Variants in PTPRD observed in about 807,000 individuals in gnomAD.
PTPRD encodes protein tyrosine phosphatase receptor type D.
A neutral mutation model predicts 214.5 loss-of-function variants in PTPRD; 34 were observed. The ratio of observed to expected loss-of-function variants is 0.16; its 90% CI spans 0.12 to 0.21. PTPRD has a LOEUF of 0.21. Ranked by LOEUF, PTPRD falls within the 10% of genes least tolerant of loss-of-function variation. PTPRD has a pLI of 1.00. For missense variants in PTPRD, 2,545 were observed against 2,398.7 expected (o/e 1.06, Z -1.27); for synonymous variants, 1,128 against 845.7 (o/e 1.33, Z -5.79).
chr9:8,891,151 T>TTTTTTTTTTTTTTTG (rs1345759298), intron 11 of PTPRD, among the ~76,000 whole-genome samples: 1 of 149,636 alleles, frequency 6.7e-6, no homozygotes, highest in Non-Finnish European at 1.5e-5. Context: ...TTTTTTTTTT[T>TTTTTTTTTTTTTTTG]GAGACTGAGT....
rs149145051 is a variant in PTPRD at position 9,743,880 on chromosome 9, G to A, written c.-325-9309C>T. 1.2e-3 allele frequency among the ~76,000 whole-genome samples: 185 copies of A among 152,016 alleles called. 1 individual carries two copies. Among genetic ancestry groups the A allele is most frequent in the African/African-American group, 4.1e-3 (172 of 41,486 alleles). ...TTTTTATCCAAGAAGAAAATATGCAGGCTAATTGATCCGATAAATCTATAC... is the reference window on the plus strand; with the variant it reads ...TTTTTATCCAAGAAGAAAATATGCAAGCTAATTGATCCGATAAATCTATAC... On this transcript the variant is annotated intron_variant, in intron 6 of 45. Transcript: ENST00000381196.
intron 3 of PTPRD, among the ~76,000 whole-genome samples, chr9:10,103,395 T>TATATATATCTA: frequency 8.6e-6 from 1 of 116,730 alleles, no homozygotes; most frequent in South Asian, 2.6e-4. Flanking sequence ...ATATATATAT[T>TATATATATCTA]TATTTAAGAG....
intron 2 of PTPRD, among the ~76,000 whole-genome samples, chr9:10,586,845 G>T (rs887985307): frequency 6.6e-6 from 1 of 150,404 alleles, no homozygotes; most frequent in Admixed American, 6.6e-5. Flanking sequence ...TCAGATTCAG[G>T]ATTGCTCTCA....
chr9:9,227,067 G>T (rs949747628), intron 9 of PTPRD, among the ~76,000 whole-genome samples: 3 of 151,682 alleles, frequency 2.0e-5, no homozygotes, highest in African/African-American at 7.3e-5. Context: ...ATAATACTTT[G>T]GTGAAATAGG....
At position 9,070,125 on chromosome 9, in the gene PTPRD, C is replaced by T. The variant is rs954575828; in HGVS notation, c.-142-51390G>A. Among the ~76,000 whole-genome samples the T allele has an allele frequency of 3.3e-5, 5 of 152,078 alleles. No homozygotes were observed. The East Asian group carries it at 7.7e-4, about 23-fold the overall frequency. Reference sequence around the variant, plus strand: ...AACAGCTGAGCTTCATAACTCTTAGCATTTTATTTATTCACAAGGAAATAT... The same window carrying T: ...AACAGCTGAGCTTCATAACTCTTAGTATTTTATTTATTCACAAGGAAATAT... On this transcript the variant is annotated intron_variant, in intron 10 of 45. Transcript: ENST00000381196.
chr9:8,657,778 A>G (rs2096942790), intron 12 of PTPRD, among the ~76,000 whole-genome samples: 1 of 152,214 alleles, frequency 6.6e-6, no homozygotes, highest in Non-Finnish European at 1.5e-5. Context: ...TATCCTCTGC[A>G]GAAATTGGCA....
At chr9:8,768,082 G>C (rs945955803) in intron 11 of PTPRD, among the ~76,000 whole-genome samples, 1 of 152,052 alleles carries the variant, frequency 6.6e-6, no homozygotes, top group African/African-American at 2.4e-5. Flanking sequence ...GTTACTATTT[G>C]GCCTGAATTT....
At chr9:9,440,653 C>G (rs888536072) in intron 8 of PTPRD, among the ~76,000 whole-genome samples, 5 of 152,176 alleles carry the variant, frequency 3.3e-5, no homozygotes, top group African/African-American at 1.2e-4. Flanking sequence ...TTCCTTAAAA[C>G]AATATTATCC....
At chr9:9,785,614 G>A (rs765400676) in intron 5 of PTPRD, among the ~76,000 whole-genome samples, 12 of 152,084 alleles carry the variant, frequency 7.9e-5, no homozygotes, top group Non-Finnish European at 1.5e-4. Context: ...AATGGTCACA[G>A]ATCAGCAGAA....
intron 2 of PTPRD, among the ~76,000 whole-genome samples, chr9:10,350,544 C>G (rs1287118262): frequency 6.6e-6 from 1 of 152,024 alleles, no homozygotes; most frequent in African/African-American, 2.4e-5. Context: ...ATCCTCATTA[C>G]AATATACAAA....
At chr9:9,831,078 C>A (rs185800946) in intron 5 of PTPRD, among the ~76,000 whole-genome samples, 1 of 151,770 alleles carries the variant, frequency 6.6e-6, no homozygotes, top group South Asian at 2.1e-4. Context: ...TTTATTATAG[C>A]CTATGGTCAC....
intron 34 of PTPRD, among the ~76,000 whole-genome samples, chr9:8,446,768 C>G (rs1043802232): frequency 6.6e-6 from 1 of 152,154 alleles, no homozygotes; most frequent in Non-Finnish European, 1.5e-5. Flanking sequence ...AGCGTCATAG[C>G]ACCTGTCATG....
At chr9:9,477,487 A>T (rs563575467) in intron 8 of PTPRD, among the ~76,000 whole-genome samples, 18 of 152,338 alleles carry the variant, frequency 1.2e-4, no homozygotes, top group Admixed American at 7.8e-4. Flanking sequence ...ACCCCACTCA[A>T]AGAAAATGCT....
At chr9:8,633,531 G>T in intron 13 of PTPRD, 73 bp from the exon 14 acceptor site, 1 of 1,530,044 alleles carries the variant, frequency 6.5e-7, no homozygotes, top group Non-Finnish European at 8.9e-7. Context: ...TCTCAATACA[G>T]TGGTGGATCC....
In PTPRD at chr9:8,633,443, C is replaced by A. The variant is rs745977244; in HGVS notation, c.226G>T (p.Asp76Tyr). 6.2e-7 allele frequency: 1 copy of A among 1,612,148 alleles called. No homozygotes were observed. The highest frequency in any genetic ancestry group is 1.7e-5 in the Admixed American group (1 of 59,826). ...NQRFEVIEFD[D>Y]GSGSVLRIQP... ...ATTCTGAGAACTGATCCAGACCCAT[C>A]GTCAAACTCTATTACCTATTAGAGG... The change falls in exon 14 of 46, where the codon GAT becomes TAT. Residue 76 changes from aspartate (D) to tyrosine (Y), a missense_variant. By Grantham distance (160) the Asp-to-Tyr change is radical. Coordinates refer to ENST00000381196, the MANE Select transcript of PTPRD (RefSeq NM_002839.4).
At chr9:8,454,676 C>G in intron 33 of PTPRD, 1 of 1,474,022 alleles carries the variant, frequency 6.8e-7, no homozygotes, top group East Asian at 2.3e-5. Flanking sequence ...CCATGACAAC[C>G]AAGATTTAAG....
chr9:10,050,307 C>T (rs1439651116), intron 3 of PTPRD, among the ~76,000 whole-genome samples: 1 of 151,550 alleles, frequency 6.6e-6, no homozygotes, highest in East Asian at 1.9e-4. Flanking sequence ...ACCCTGTAAT[C>T]CTAGCACTTT....
At chr9:10,480,485 T>A (rs906754699) in intron 2 of PTPRD, among the ~76,000 whole-genome samples, 1 of 152,154 alleles carries the variant, frequency 6.6e-6, no homozygotes, top group Non-Finnish European at 1.5e-5. Context: ...GCAATTCATA[T>A]GCCATACTCA....
intron 2 of PTPRD, among the ~76,000 whole-genome samples, chr9:10,402,275 AC>A (rs1479575406): frequency 1.3e-5 from 2 of 151,694 alleles, no homozygotes; most frequent in African/African-American, 4.8e-5. Flanking sequence ...AGATTACAGA[AC>A]TGACAAAAAT....
Sources: allele counts gnomAD v4.1 joint callset (sites outside exome capture counted in the v4.1 genomes callset), GRCh38; gene constraint gnomAD v4.1.1; transcripts MANE v1.5; gene names NCBI Gene and HGNC (gene_info 2026-07-23, HGNC 2026-07-21).